NPAS3: variants seen among roughly 807,000 people sequenced by gnomAD.
The protein encoded by NPAS3 is neuronal PAS domain protein 3, also known as neuronal PAS domain-containing protein 3.
In NPAS3, 14 loss-of-function variants were observed where a neutral mutation model predicts 73.1. That is an observed-to-expected ratio of 0.19 (90% CI 0.13 to 0.30). The LOEUF (loss-of-function observed/expected upper bound fraction) is 0.30, where lower values mean the gene tolerates loss of function less well. NPAS3 is among the 10% of genes least tolerant of loss of function. The pLI, the probability that NPAS3 is intolerant of heterozygous loss-of-function variation, is 1.00. For missense variants in NPAS3, 1,096 were observed against 1,250.0 expected (o/e 0.88, Z 1.86); for synonymous variants, 620 against 541.5 (o/e 1.14, Z -2.01).
At chr14:33,122,560 C>T (rs1046409222) in intron 2 of NPAS3, among the ~76,000 whole-genome samples, 5 of 152,136 alleles carry the variant, frequency 3.3e-5, no homozygotes, top group Non-Finnish European at 7.4e-5. Flanking sequence ...ATACTATTAT[C>T]AGTGATGTTG....
At chr14:33,147,626 A>G (rs2044282078) in intron 2 of NPAS3, among the ~76,000 whole-genome samples, 1 of 151,414 alleles carries the variant, frequency 6.6e-6, no homozygotes, top group Non-Finnish European at 1.5e-5. Flanking sequence ...ACCTTATGTA[A>G]ATGACGAGTT....
chr14:33,607,588 T>C (rs1159935408), intron 5 of NPAS3, among the ~76,000 whole-genome samples: 1 of 152,154 alleles, frequency 6.6e-6, no homozygotes, highest in African/African-American at 2.4e-5. Context: ...TTGTTTGTGA[T>C]TGTATAGAGG....
intron 5 of NPAS3, among the ~76,000 whole-genome samples, chr14:33,617,221 C>A (rs2140077961): frequency 6.6e-6 from 1 of 152,300 alleles, no homozygotes; most frequent in African/African-American, 2.4e-5. Context: ...TTGCAGCCAG[C>A]ATGATCAAGT....
At chr14:33,143,415 C>T (rs933131413) in intron 2 of NPAS3, among the ~76,000 whole-genome samples, 17 of 151,696 alleles carry the variant, frequency 1.1e-4, no homozygotes, top group Admixed American at 2.0e-4. Flanking sequence ...CGCTTGGTCC[C>T]GGGAGGCAGA....
intron 1 of NPAS3, among the ~76,000 whole-genome samples, chr14:33,026,661 A>G (rs1032131445): frequency 6.6e-6 from 1 of 152,006 alleles, no homozygotes; most frequent in African/African-American, 2.4e-5. Context: ...CTAACAGTGA[A>G]TTTACTGTCC....
chr14:33,215,864 T>C (rs890973275), intron 3 of NPAS3, among the ~76,000 whole-genome samples: 5 of 152,344 alleles, frequency 3.3e-5, no homozygotes, highest in Middle Eastern at 3.4e-3. Context: ...TTTAAGTTAA[T>C]GATTTTATTG....
At chr14:33,172,667 C>T (rs760056287) in intron 2 of NPAS3, among the ~76,000 whole-genome samples, 24 of 151,620 alleles carry the variant, frequency 1.6e-4, no homozygotes, top group Non-Finnish European at 2.5e-4. Context: ...ACCTTGGAGG[C>T]GGAGGTTACG....
intron 5 of NPAS3, among the ~76,000 whole-genome samples, chr14:33,673,012 C>A (rs1284580308): frequency 5.9e-5 from 9 of 152,200 alleles, no homozygotes; most frequent in African/African-American, 1.9e-4. Flanking sequence ...TATAAGTTGA[C>A]CTTTGTCTAA....
intron 4 of NPAS3, among the ~76,000 whole-genome samples, chr14:33,503,641 C>G (rs1198703981): frequency 2.0e-5 from 3 of 151,758 alleles, no homozygotes; most frequent in Non-Finnish European, 2.9e-5. Context: ...TTTATTGAGC[C>G]TCATTAAAAA....
At chr14:32,972,092 C>A (rs761139506) in intron 1 of NPAS3, among the ~76,000 whole-genome samples, 70 of 152,012 alleles carry the variant, frequency 4.6e-4, no homozygotes, top group Non-Finnish European at 9.1e-4. Context: ...GCGCTCGCCA[C>A]CACGCCTGGC....
At chr14:33,197,191 G>A (rs1295363507) in intron 2 of NPAS3, among the ~76,000 whole-genome samples, 1 of 151,478 alleles carries the variant, frequency 6.6e-6, no homozygotes, top group Non-Finnish European at 1.5e-5. Context: ...CAGGGGTGAA[G>A]GGAAGCAAAT....
In NPAS3 at chr14:33,772,932, G is replaced by C. The variant is rs544715769; in HGVS notation, c.853-1405G>C. Among the ~76,000 whole-genome samples the C allele has an allele frequency of 4.6e-5, 7 of 152,228 alleles. No individual in the cohort carries two copies. The East Asian group carries it at 9.7e-4, about 21-fold the overall frequency. On this transcript the variant is annotated intron_variant, in intron 7 of 11. Coordinates refer to ENST00000356141, the Ensembl canonical transcript of NPAS3. Reference sequence around the variant, plus strand: ...ATAATCCTCCTTATTGGTGCTTCCAGATCCACAGCTGTGGGCGCCGACGTG... The same window carrying C: ...ATAATCCTCCTTATTGGTGCTTCCACATCCACAGCTGTGGGCGCCGACGTG...
At chr14:32,992,562 A>C (rs1227398885) in intron 1 of NPAS3, among the ~76,000 whole-genome samples, 1 of 152,152 alleles carries the variant, frequency 6.6e-6, no homozygotes, top group Non-Finnish European at 1.5e-5. Context: ...GCTGAATGAC[A>C]GGTAAGTTGC....
downstream of NPAS3, chr14:33,801,288 T>A: frequency 1.5e-6 from 2 of 1,329,164 alleles, no homozygotes; most frequent in Non-Finnish European, 2.0e-6. Flanking sequence ...TGTAAAGATA[T>A]GTTTATTTTT....
intron 2 of NPAS3, among the ~76,000 whole-genome samples, chr14:33,120,039 C>G (rs1283886477): frequency 1.3e-5 from 2 of 151,926 alleles, no homozygotes; most frequent in African/African-American, 2.4e-5. Flanking sequence ...GAGCCTTGCT[C>G]TGTCACCCAG....
intron 3 of NPAS3, among the ~76,000 whole-genome samples, chr14:33,354,269 ATGT>A (rs1398435484): frequency 2.6e-5 from 4 of 152,022 alleles, no homozygotes; most frequent in African/African-American, 9.7e-5. Flanking sequence ...ATTTTCAGAA[ATGT>A]TGATCTCTCA....
At chr14:33,021,892 T>C (rs973414175) in intron 1 of NPAS3, among the ~76,000 whole-genome samples, 2 of 152,222 alleles carry the variant, frequency 1.3e-5, no homozygotes, top group Non-Finnish European at 2.9e-5. Context: ...ACGTATTTTA[T>C]ACATGTAAAG....
chr14:32,978,415 A>T (rs187087536), intron 1 of NPAS3, among the ~76,000 whole-genome samples: 171 of 152,342 alleles, frequency 1.1e-3, no homozygotes, highest in African/African-American at 4.0e-3. Flanking sequence ...TTGCGTGAAT[A>T]GAGTCCTCCA....
intron 4 of NPAS3, among the ~76,000 whole-genome samples, chr14:33,427,030 C>T (rs1188585835): frequency 6.6e-6 from 1 of 152,140 alleles, no homozygotes; most frequent in Non-Finnish European, 1.5e-5. Flanking sequence ...GTAGGCCGTG[C>T]ACAATCTTGG....
Sources: allele counts gnomAD v4.1 joint callset (sites outside exome capture counted in the v4.1 genomes callset), GRCh38; gene constraint gnomAD v4.1.1; transcripts MANE v1.5; gene names NCBI Gene and HGNC (gene_info 2026-07-23, HGNC 2026-07-21).